The following NR3C1 variants were observed in gnomAD, a reference collection of about 807,000 sequenced individuals.
NR3C1 encodes nuclear receptor subfamily 3 group C member 1.
NR3C1 carries 14 observed loss-of-function variants against 74.0 expected under a neutral mutation model. That is an observed-to-expected ratio of 0.19 (90% CI 0.12 to 0.30). The LOEUF is 0.30. NR3C1 is among the 10% of genes least tolerant of loss of function. The pLI is 1.00. For missense variants in NR3C1, 695 were observed against 909.8 expected (o/e 0.76, Z 3.04); for synonymous variants, 308 against 332.5 (o/e 0.93, Z 0.80).
chr5:143,386,432 T>A (rs1561742405), intron 2 of NR3C1, among the ~76,000 whole-genome samples: 1 of 152,226 alleles, frequency 6.6e-6, no homozygotes, highest in Non-Finnish European at 1.5e-5. Flanking sequence ...AAGAATGGGA[T>A]CCGCATCTGT....
chr5:143,422,100 T>C (rs548549545), intron 1 of NR3C1, among the ~76,000 whole-genome samples: 10 of 152,272 alleles, frequency 6.6e-5, no homozygotes, highest in African/African-American at 2.4e-4. Flanking sequence ...TTCTCTTACT[T>C]TCCCTGGCTT....
upstream of NR3C1, among the ~76,000 whole-genome samples, chr5:143,407,657 C>A (rs1426179981): frequency 2.6e-5 from 4 of 152,156 alleles, no homozygotes; most frequent in Non-Finnish European, 4.4e-5. Context: ...GTCCTAAGGC[C>A]AATAAAACCT....
chr5:143,371,623 A>G (rs1398211231), intron 2 of NR3C1, among the ~76,000 whole-genome samples: 2 of 152,244 alleles, frequency 1.3e-5, no homozygotes, highest in African/African-American at 4.8e-5. Context: ...GTCCCACCCC[A>G]TCCCTGTCTC....
chr5:143,359,924 A>AAAAT (rs1334070491), intron 2 of NR3C1, among the ~76,000 whole-genome samples: 11 of 152,186 alleles, frequency 7.2e-5, no homozygotes, highest in East Asian at 3.8e-4. Context: ...TCTCAAAAAT[A>AAAAT]AAATAAATAA....
chr5:143,382,060 C>G (rs73297833), intron 2 of NR3C1, among the ~76,000 whole-genome samples: 1,739 of 152,130 alleles, frequency 0.011, 26 homozygotes, highest in African/African-American at 0.037. Context: ...AGAGTTCAGA[C>G]AACAGGAAAA....
At chr5:143,304,500 A>AT (rs1334445993) in intron 4 of NR3C1, among the ~76,000 whole-genome samples, 2 of 152,190 alleles carry the variant, frequency 1.3e-5, no homozygotes, top group Non-Finnish European at 2.9e-5. Context: ...CAATTTATAG[A>AT]TTCAACACTA....
chr5:143,291,032 ATGGTT>A (rs1562715201), intron 7 of NR3C1, among the ~76,000 whole-genome samples: 1 of 151,402 alleles, frequency 6.6e-6, no homozygotes, highest in East Asian at 1.9e-4. Context: ...TCTTCCCCCA[ATGGTT>A]TGGTACTTTG....
rs1752038517 is a variant in NR3C1 at position 143,434,881 on chromosome 5, C to T, written c.-363G>A. Reference sequence around the variant, plus strand: ...ACAACTCTTGATGAACAAATAGCTACCAACGATGAGCACAAACCAGAGAAT... The same window carrying T: ...ACAACTCTTGATGAACAAATAGCTATCAACGATGAGCACAAACCAGAGAAT... On this transcript the variant is annotated 5_prime_UTR_variant, in exon 1 of 9. Coordinates refer to the NR3C1 transcript ENST00000343796. 2 of 985,350 alleles carry T rather than the reference C, an allele frequency of 2.0e-6. No homozygotes were observed. The highest frequency in any genetic ancestry group is 2.4e-6 in the Non-Finnish European group (2 of 829,926). The allele number at this position is 985,350 out of a possible 1,614,324, so 61.0% of individuals were successfully genotyped here.
At chr5:143,333,988 G>A (rs1404609429) in intron 2 of NR3C1, among the ~76,000 whole-genome samples, 1 of 152,190 alleles carries the variant, frequency 6.6e-6, no homozygotes, top group Non-Finnish European at 1.5e-5. Context: ...CAGTGAAGTG[G>A]AAGCATGCGT....
rs117737270 is a variant in NR3C1 at position 143,358,231 on chromosome 5, T to A, written c.1184+41425A>T. ...CCCCACCTAAGATGTTTTTTCTTAATCATTCAGTGAGACCCATGTTAGCTC... is the reference window on the plus strand; with the variant it reads ...CCCCACCTAAGATGTTTTTTCTTAAACATTCAGTGAGACCCATGTTAGCTC... On this transcript the variant is annotated intron_variant, in intron 2 of 8. Transcript: ENST00000394464. Among the ~76,000 whole-genome samples the A allele has an allele frequency of 3.9e-5, 6 of 152,316 alleles. No individual in the cohort carries two copies. In the East Asian group the frequency reaches 1.2e-3, roughly 29 times the overall value.
chr5:143,303,497 G>A (rs852974), intron 4 of NR3C1, among the ~76,000 whole-genome samples: 14 of 151,948 alleles, frequency 9.2e-5, no homozygotes, highest in African/African-American at 2.9e-4. Flanking sequence ...TCTACCAGAT[G>A]TACAAAGAAG....
At chr5:143,296,769 T>C (rs929316637) in intron 6 of NR3C1, among the ~76,000 whole-genome samples, 1 of 151,894 alleles carries the variant, frequency 6.6e-6, no homozygotes. Context: ...TATGGAAACA[T>C]AGTGGGCTAA....
chr5:143,322,145 T>G (rs1426279301), intron 2 of NR3C1, among the ~76,000 whole-genome samples: 2 of 152,212 alleles, frequency 1.3e-5, no homozygotes, highest in African/African-American at 2.4e-5. Context: ...TTATCTCATT[T>G]AATCCTCTCC....
At chr5:143,287,747 T>C (rs1171029221) in intron 7 of NR3C1, among the ~76,000 whole-genome samples, 1 of 152,078 alleles carries the variant, frequency 6.6e-6, no homozygotes, top group African/African-American at 2.4e-5. Flanking sequence ...GATATAAAAA[T>C]GATCAGCAAA....
At chr5:143,344,368 T>C (rs1828818621) in intron 2 of NR3C1, among the ~76,000 whole-genome samples, 1 of 152,220 alleles carries the variant, frequency 6.6e-6, no homozygotes, top group Admixed American at 6.5e-5. Context: ...CAACTAATAC[T>C]AATTAGTTAT....
chr5:143,319,912 A>G (rs1411920973), intron 2 of NR3C1, among the ~76,000 whole-genome samples: 2 of 152,226 alleles, frequency 1.3e-5, no homozygotes, highest in Non-Finnish European at 2.9e-5. Flanking sequence ...AAGTCCAAAA[A>G]GAGATTCAAA....
At chr5:143,342,294 T>C (rs994710516) in intron 2 of NR3C1, among the ~76,000 whole-genome samples, 1 of 152,190 alleles carries the variant, frequency 6.6e-6, no homozygotes, top group East Asian at 1.9e-4. Context: ...GGAATTATCT[T>C]GGTTATTTTA....
At position 143,282,162 on chromosome 5, in the gene NR3C1, T is replaced by A. The variant is rs1013816987; in HGVS notation, c.2182-121A>T. On this transcript the variant is annotated intron_variant, in intron 8 of 8. Transcript: ENST00000394464. ...TAGAATATACCAATCTCACTGGAAT[T>A]CCCCAGATGAAAAATAAGCACTTCC... The A allele has an allele frequency of 6.0e-6, 6 of 998,678 alleles. No homozygotes were observed. In the African/African-American group the frequency reaches 9.7e-5, roughly 16 times the overall value. 61.9% of individuals were successfully genotyped at this position (998,678 alleles called of 1,614,324 possible). A position where few individuals can be genotyped will look rare whatever the true frequency, so the allele number is the denominator to read the frequency against.
At chr5:143,307,529 C>T (rs1369152536) in intron 4 of NR3C1, among the ~76,000 whole-genome samples, 13 of 152,138 alleles carry the variant, frequency 8.5e-5, no homozygotes, top group Non-Finnish European at 5.9e-5. Flanking sequence ...AGATCTTAAA[C>T]TTTATATGTA....
Sources: gnomAD v4.1 joint callset for allele counts (sites outside exome capture counted in the v4.1 genomes callset) on GRCh38, gnomAD v4.1.1 for gene constraint, MANE v1.5 for transcripts, NCBI Gene and HGNC (gene_info 2026-07-23, HGNC 2026-07-21) for gene names.